The following SAMD4A variants were observed in gnomAD, a reference collection of about 807,000 sequenced individuals.
SAMD4A encodes sterile alpha motif domain containing 4A, also known as protein Smaug homolog 1.
A neutral mutation model predicts 81.3 loss-of-function variants in SAMD4A; 33 were observed. The observed-to-expected ratio is 0.41, with a 90% CI of 0.31 to 0.54. The LOEUF (loss-of-function observed/expected upper bound fraction) is 0.54, where lower values mean the gene tolerates loss of function less well. SAMD4A is among the 20% of genes least tolerant of loss of function. SAMD4A has a pLI of 0.37. For missense variants in SAMD4A, 854 were observed against 951.1 expected, an observed-to-expected ratio of 0.90 and a Z score of 1.34; for synonymous variants, 389 against 382.1, an observed-to-expected ratio of 1.02 and a Z score of -0.21.
chr14:54,781,708 A>C (rs1378780769), intron 11 of SAMD4A, among the ~76,000 whole-genome samples: 1 of 152,184 alleles, frequency 6.6e-6, no homozygotes, highest in Admixed American at 6.5e-5. Flanking sequence ...CCTCAGGGTT[A>C]ACAGGAGCCA....
intron 2 of SAMD4A, among the ~76,000 whole-genome samples, chr14:54,668,053 G>A (rs940949357): frequency 1.5e-4 from 23 of 152,258 alleles, no homozygotes; most frequent in Admixed American, 9.8e-4. Flanking sequence ...CGTTCTGATC[G>A]GATTTCCGCC....
intron 7 of SAMD4A, among the ~76,000 whole-genome samples, chr14:54,762,505 C>G (rs958472894): frequency 3.3e-5 from 5 of 152,124 alleles, no homozygotes; most frequent in African/African-American, 1.2e-4. Context: ...CCCTCGCTCT[C>G]CCCCACCCAC....
intron 2 of SAMD4A, among the ~76,000 whole-genome samples, chr14:54,685,074 A>C (rs2036225715): frequency 1.3e-5 from 2 of 152,242 alleles, no homozygotes; most frequent in Admixed American, 1.3e-4. Context: ...CTTCCCCTGA[A>C]GGGAGAGTAG....
intron 2 of SAMD4A, among the ~76,000 whole-genome samples, chr14:54,650,991 A>G (rs1048550031): frequency 2.6e-5 from 4 of 152,160 alleles, no homozygotes; most frequent in African/African-American, 9.7e-5. Flanking sequence ...AAAACTGAGC[A>G]CCTCACTTTC....
At chr14:54,736,098 A>G in intron 3 of SAMD4A, among the ~76,000 whole-genome samples, 1 of 152,202 alleles carries the variant, frequency 6.6e-6, no homozygotes, top group Non-Finnish European at 1.5e-5. Context: ...AAACCAACCA[A>G]GGGTAACATC....
chr14:54,690,582 C>G (rs939961611), intron 2 of SAMD4A, among the ~76,000 whole-genome samples: 5 of 152,248 alleles, frequency 3.3e-5, no homozygotes, highest in African/African-American at 1.2e-4. Flanking sequence ...TCTGATTCTC[C>G]CCAAGTTATT....
At chr14:54,787,543 A>G (rs749564176) in intron 12 of SAMD4A, among the ~76,000 whole-genome samples, 4 of 152,184 alleles carry the variant, frequency 2.6e-5, no homozygotes, top group Non-Finnish European at 4.4e-5. Flanking sequence ...AAGTTCTGCC[A>G]AGCAAATAGA....
chr14:54,602,569 C>A (rs1486038432), intron 2 of SAMD4A, among the ~76,000 whole-genome samples: 5 of 152,018 alleles, frequency 3.3e-5, no homozygotes, highest in African/African-American at 1.2e-4. Flanking sequence ...ACCTTCTCAG[C>A]CCTGTTGGGG....
intron 2 of SAMD4A, among the ~76,000 whole-genome samples, chr14:54,691,083 G>T (rs1161789484): frequency 6.6e-6 from 1 of 152,206 alleles, no homozygotes; most frequent in Non-Finnish European, 1.5e-5. Flanking sequence ...ACTGGGCTGT[G>T]TGGGTCTGTA....
intron 4 of SAMD4A, among the ~76,000 whole-genome samples, chr14:54,747,870 C>T (rs1196123990): frequency 6.6e-6 from 1 of 152,160 alleles, no homozygotes; most frequent in African/African-American, 2.4e-5. Context: ...TTCCAAAGAT[C>T]CTATCAGCTC....
intron 2 of SAMD4A, among the ~76,000 whole-genome samples, chr14:54,612,698 C>T (rs1038408870): frequency 3.9e-5 from 6 of 152,152 alleles, no homozygotes; most frequent in Admixed American, 2.0e-4. Flanking sequence ...CCATTCAAAG[C>T]AGTTGCACCC....
chr14:54,631,727 G>C (rs900594566), intron 2 of SAMD4A, among the ~76,000 whole-genome samples: 1 of 152,126 alleles, frequency 6.6e-6, no homozygotes, highest in African/African-American at 2.4e-5. Context: ...TTTAAGGCTT[G>C]AGCTGTTTTC....
chr14:54,646,614 A>G (rs1283731018), intron 2 of SAMD4A, among the ~76,000 whole-genome samples: 2 of 152,240 alleles, frequency 1.3e-5, no homozygotes, highest in Non-Finnish European at 2.9e-5. Context: ...TTTTGAGTCC[A>G]TATAGCCACC....
intron 3 of SAMD4A, among the ~76,000 whole-genome samples, chr14:54,728,273 C>T (rs943660410): frequency 5.9e-5 from 9 of 152,116 alleles, no homozygotes; most frequent in Admixed American, 4.6e-4. Flanking sequence ...TAATTACAGA[C>T]CACAGTAAAT....
At chr14:54,783,419 A>T (rs924827170) in intron 11 of SAMD4A, among the ~76,000 whole-genome samples, 1 of 152,118 alleles carries the variant, frequency 6.6e-6, no homozygotes, top group African/African-American at 2.4e-5. Context: ...AGGTGAGAGG[A>T]GGTGGCTCCC....
chr14:54,748,696 TTTC>T, intron 4 of SAMD4A, 116 bp from the exon 5 acceptor site: 1 of 679,344 alleles, frequency 1.5e-6, no homozygotes, highest in Admixed American at 2.7e-5. Flanking sequence ...GGTGTTACTT[TTTC>T]TTTTTTTTTC....
Position 54,728,213 on chromosome 14 carries a change from G to A in SAMD4A, c.716-8811G>A, listed in dbSNP as rs114447067. Among the ~76,000 whole-genome samples the A allele has an allele frequency of 3.6e-3, 554 of 152,204 alleles. 4 individuals carry two copies. Among genetic ancestry groups the A allele is most frequent in the African/African-American group, 0.013 (538 of 41,530 alleles). Reference sequence around the variant, plus strand: ...TCTCTGGGGCAGAGAAGAACGGTACGGTTTAAATGAAAAATGCAGTGCCAA... The same window carrying A: ...TCTCTGGGGCAGAGAAGAACGGTACAGTTTAAATGAAAAATGCAGTGCCAA... On this transcript the variant is annotated intron_variant, in intron 3 of 12. Coordinates refer to ENST00000554335, the MANE Select transcript of SAMD4A (RefSeq NM_015589.6).
chr14:54,686,407 G>A (rs893866094), intron 2 of SAMD4A, among the ~76,000 whole-genome samples: 1 of 152,150 alleles, frequency 6.6e-6, no homozygotes, highest in Non-Finnish European at 1.5e-5. Context: ...GCAGCCAGGG[G>A]CTTGCGTCAT....
intron 6 of SAMD4A, among the ~76,000 whole-genome samples, chr14:54,758,002 C>A (rs964832): frequency 0.055 from 8,388 of 152,266 alleles, 425 homozygotes; most frequent in East Asian, 0.18. Flanking sequence ...AGGGCCGGGT[C>A]TACCGTGGGC....
Sources: gnomAD v4.1 joint callset for allele counts (sites outside exome capture counted in the v4.1 genomes callset) on GRCh38, gnomAD v4.1.1 for gene constraint, MANE v1.5 for transcripts, NCBI Gene and HGNC (gene_info 2026-07-23, HGNC 2026-07-21) for gene names.